LRBA: variants seen among roughly 807,000 people sequenced by gnomAD.
The protein encoded by LRBA is LPS responsive beige-like anchor protein, also known as lipopolysaccharide-responsive and beige-like anchor protein.
LRBA carries 176 observed loss-of-function variants against 330.0 expected under a neutral mutation model. The observed-to-expected ratio is 0.53, with a 90% CI of 0.47 to 0.60. LRBA has a LOEUF of 0.60. Ranked by LOEUF, LRBA falls within the 20% of genes least tolerant of loss-of-function variation. LRBA has a pLI of 0.00. For missense variants in LRBA, 3,259 were observed against 3,444.8 expected, an observed-to-expected ratio of 0.95 and a Z score of 1.35; for synonymous variants, 1,230 against 1,193.0, an observed-to-expected ratio of 1.03 and a Z score of -0.64.
chr4:150,565,925 T>A (rs1459895465), intron 40 of LRBA, among the ~76,000 whole-genome samples: 1 of 152,064 alleles, frequency 6.6e-6, no homozygotes, highest in East Asian at 1.9e-4. Context: ...AAGTTTAACA[T>A]ATGTAAAATC....
chr4:150,381,933 G>A (rs1280440771), intron 47 of LRBA, among the ~76,000 whole-genome samples: 1 of 152,166 alleles, frequency 6.6e-6, no homozygotes, highest in Non-Finnish European at 1.5e-5. Context: ...ATTTTCACGT[G>A]CCTTTTGGCC....
intron 44 of LRBA, among the ~76,000 whole-genome samples, chr4:150,457,594 T>C (rs756598238): frequency 6.6e-6 from 1 of 151,918 alleles, no homozygotes; most frequent in Admixed American, 6.6e-5. Context: ...TACATGCAAG[T>C]ATATTTTAAA....
chr4:150,290,962 ATTTT>A (rs1728211198), intron 53 of LRBA, among the ~76,000 whole-genome samples: 1 of 152,072 alleles, frequency 6.6e-6, no homozygotes, highest in Non-Finnish European at 1.5e-5. Context: ...TTATTTATTT[ATTTT>A]TTATTATACT....
At chr4:150,471,176 A>G (rs1756086058) in intron 43 of LRBA, among the ~76,000 whole-genome samples, 1 of 152,152 alleles carries the variant, frequency 6.6e-6, no homozygotes, top group Non-Finnish European at 1.5e-5. Flanking sequence ...CTTGCTCTCT[A>G]GGTATACTTT....
At chr4:150,756,747 A>G (rs1734365424) in intron 35 of LRBA, among the ~76,000 whole-genome samples, 1 of 152,178 alleles carries the variant, frequency 6.6e-6, no homozygotes, top group African/African-American at 2.4e-5. Context: ...AACAGGGTCA[A>G]AGGGAGTAGT....
At chr4:150,660,530 G>A (rs1383352979) in intron 37 of LRBA, among the ~76,000 whole-genome samples, 5 of 151,232 alleles carry the variant, frequency 3.3e-5, no homozygotes, top group East Asian at 2.0e-4. Flanking sequence ...GGGAGGTGAG[G>A]GGCGCCTCTG....
At chr4:150,311,985 T>C (rs924951927) in intron 51 of LRBA, among the ~76,000 whole-genome samples, 2 of 152,160 alleles carry the variant, frequency 1.3e-5, no homozygotes, top group Admixed American at 1.3e-4. Flanking sequence ...CTGCAGTACT[T>C]TGTTCCACAT....
intron 48 of LRBA, among the ~76,000 whole-genome samples, chr4:150,327,875 G>A (rs534824341): frequency 2.0e-5 from 3 of 152,278 alleles, no homozygotes; most frequent in South Asian, 2.1e-4. Flanking sequence ...GGAAGAGAAT[G>A]AGAAATACAT....
chr4:150,331,097 G>A (rs1195541102), intron 48 of LRBA, among the ~76,000 whole-genome samples: 1 of 152,138 alleles, frequency 6.6e-6, no homozygotes, highest in Non-Finnish European at 1.5e-5. Flanking sequence ...CTGGAGGATA[G>A]GACAACACTC....
At chr4:150,649,213 G>T (rs1779480982) in intron 37 of LRBA, among the ~76,000 whole-genome samples, 1 of 152,090 alleles carries the variant, frequency 6.6e-6, no homozygotes, top group African/African-American at 2.4e-5. Context: ...AGATCTTCCT[G>T]AAACATAGTT....
chr4:150,978,473 T>C (rs1303511774), intron 2 of LRBA, among the ~76,000 whole-genome samples: 2 of 152,076 alleles, frequency 1.3e-5, no homozygotes, highest in Non-Finnish European at 2.9e-5. Flanking sequence ...GTCCAGACAC[T>C]GACAAACATC....
At chr4:150,678,852 T>C (rs1019234017) in intron 37 of LRBA, among the ~76,000 whole-genome samples, 18 of 152,152 alleles carry the variant, frequency 1.2e-4, no homozygotes, top group African/African-American at 4.3e-4. Flanking sequence ...AATGGGTGTA[T>C]ATTGCACTTA....
chr4:150,761,555 C>A (rs188859768), intron 35 of LRBA, among the ~76,000 whole-genome samples: 3 of 152,078 alleles, frequency 2.0e-5, no homozygotes, highest in Non-Finnish European at 4.4e-5. Flanking sequence ...CCAAACTCAG[C>A]CACACTTTTT....
intron 37 of LRBA, among the ~76,000 whole-genome samples, chr4:150,643,976 G>C (rs1250077135): frequency 6.6e-6 from 1 of 151,868 alleles, no homozygotes; most frequent in African/African-American, 2.4e-5. Context: ...GCACATTTCA[G>C]ATCATACTAA....
In LRBA at chr4:150,265,864, T is replaced by C. The variant is rs113203313; in HGVS notation, c.8469-52A>G. 1.1e-3 allele frequency: 1,316 copies of C among 1,182,726 alleles called. 12 individuals carry two copies. In the African/African-American group the frequency reaches 0.017, roughly 15 times the overall value. 73.3% of individuals were successfully genotyped at this position (1,182,726 alleles called of 1,614,324 possible). On this transcript the variant is annotated intron_variant, in intron 56 of 56. Transcript: ENST00000651943. ...TTTACAAACCTGTGTGTCCTAGAGA[T>C]GTTACTAAAAACTGCTCTCCCCAAA...
At chr4:150,780,528 C>A (rs1243185302) in intron 34 of LRBA, among the ~76,000 whole-genome samples, 2 of 85,288 alleles carry the variant, frequency 2.3e-5, no homozygotes, top group Non-Finnish European at 5.4e-5. Context: ...AGAAATAAGA[C>A]CTTTCAATCC....
chr4:150,683,409 G>C, intron 37 of LRBA, 142 bp downstream of exon 37: 1 of 675,270 alleles, frequency 1.5e-6, no homozygotes, highest in Non-Finnish European at 2.6e-6. Flanking sequence ...CCTTCCCTTT[G>C]GCTTTAAATT....
intron 40 of LRBA, chr4:150,579,629 G>C (rs896743286): frequency 2.2e-6 from 1 of 456,542 alleles, no homozygotes; most frequent in African/African-American, 2.0e-5. Flanking sequence ...GCAAGGATGC[G>C]AGAAAACTTA....
At chr4:150,423,106 CA>C in intron 46 of LRBA, 1 of 841,348 alleles carries the variant, frequency 1.2e-6, no homozygotes, top group Admixed American at 1.7e-5. Flanking sequence ...AGGCATCTGA[CA>C]ATTATAAAGT....
Sources: allele counts gnomAD v4.1 joint callset (sites outside exome capture counted in the v4.1 genomes callset), GRCh38; gene constraint gnomAD v4.1.1; transcripts MANE v1.5; gene names NCBI Gene and HGNC (gene_info 2026-07-23, HGNC 2026-07-21).